Variants in ROBO2 observed in about 807,000 individuals in gnomAD.
ROBO2 encodes the protein roundabout homolog 2.
In ROBO2, 53 loss-of-function variants were observed where a neutral mutation model predicts 160.8. The ratio of observed to expected loss-of-function variants is 0.33; its 90% CI spans 0.26 to 0.41. The LOEUF (loss-of-function observed/expected upper bound fraction) is 0.41. Ranked by LOEUF, ROBO2 falls within the 10% of genes least tolerant of loss-of-function variation. The probability of loss-of-function intolerance (pLI) is 1.00; values close to 1 mark genes in which losing one functional copy is unlikely to be tolerated. For synonymous variants in ROBO2, 664 were observed against 611.7 expected (o/e 1.09, Z -1.26); for missense variants, 1,577 against 1,722.4 (o/e 0.92, Z 1.49).
intron 2 of ROBO2, among the ~76,000 whole-genome samples, chr3:76,788,587 A>T (rs1033405380): frequency 6.6e-6 from 1 of 151,558 alleles, no homozygotes; most frequent in Non-Finnish European, 1.5e-5. Flanking sequence ...TTAGACTGTG[A>T]AATTACTTTT....
chr3:77,089,292 A>G (rs1229704174), intron 1 of ROBO2, among the ~76,000 whole-genome samples: 2 of 152,070 alleles, frequency 1.3e-5, no homozygotes, highest in Admixed American at 6.6e-5. Context: ...TTAGTACTCT[A>G]TTTTTCCTCC....
At chr3:77,486,766 CT>C (rs371639947) in intron 4 of ROBO2, among the ~76,000 whole-genome samples, 203 of 151,932 alleles carry the variant, frequency 1.3e-3, no homozygotes, top group Middle Eastern at 3.4e-3. Flanking sequence ...TTTAATAACA[CT>C]TTTTTTTAAG....
intron 2 of ROBO2, among the ~76,000 whole-genome samples, chr3:76,768,571 G>A (rs944936776): frequency 8.6e-5 from 13 of 151,112 alleles, no homozygotes; most frequent in African/African-American, 2.9e-4. Flanking sequence ...ATACTGTATA[G>A]TAGATTGTAA....
intron 2 of ROBO2, among the ~76,000 whole-genome samples, chr3:76,449,662 G>A (rs2077375884): frequency 6.6e-6 from 1 of 152,108 alleles, no homozygotes; most frequent in Non-Finnish European, 1.5e-5. Flanking sequence ...CCCGAAAGCA[G>A]TGTTTAAGTG....
chr3:76,997,119 C>T (rs1361997375), intron 2 of ROBO2, among the ~76,000 whole-genome samples: 6 of 152,094 alleles, frequency 3.9e-5, no homozygotes, highest in Admixed American at 2.0e-4. Context: ...CCATATTTTA[C>T]AGAAAGTTTT....
chr3:76,949,700 T>C (rs2078844887), intron 2 of ROBO2, among the ~76,000 whole-genome samples: 1 of 152,212 alleles, frequency 6.6e-6, no homozygotes, highest in Non-Finnish European at 1.5e-5. Context: ...GTTTACCTCA[T>C]GGTATTTAAG....
chr3:76,655,258 T>A (rs1560314033), intron 2 of ROBO2, among the ~76,000 whole-genome samples: 2 of 150,380 alleles, frequency 1.3e-5, no homozygotes, highest in African/African-American at 4.9e-5. Context: ...TACCATAAAA[T>A]ATTATATAGC....
chr3:77,440,552 A>G (rs1427277187), intron 2 of ROBO2, among the ~76,000 whole-genome samples: 1 of 152,202 alleles, frequency 6.6e-6, no homozygotes, highest in Non-Finnish European at 1.5e-5. Context: ...ATGGGTCATG[A>G]CATGATAGAT....
intron 2 of ROBO2, among the ~76,000 whole-genome samples, chr3:76,869,199 G>A (rs535379585): frequency 6.6e-6 from 1 of 152,034 alleles, no homozygotes; most frequent in African/African-American, 2.4e-5. Context: ...AAACTAAGTC[G>A]TCCTAACCAT....
chr3:75,963,187 T>C, intron 2 of ROBO2, among the ~76,000 whole-genome samples: 1 of 151,348 alleles, frequency 6.6e-6, no homozygotes, highest in South Asian at 2.1e-4. Flanking sequence ...CTATTTTTAT[T>C]TATTTATTTA....
intron 1 of ROBO2, among the ~76,000 whole-genome samples, chr3:77,089,143 G>A (rs1008842251): frequency 7.9e-5 from 12 of 152,162 alleles, no homozygotes; most frequent in Non-Finnish European, 4.4e-5. Flanking sequence ...GAAATCTAGT[G>A]CTTGGGATTT....
At chr3:76,431,780 G>GT (rs768209010) in intron 2 of ROBO2, among the ~76,000 whole-genome samples, 1 of 152,084 alleles carries the variant, frequency 6.6e-6, no homozygotes, top group Non-Finnish European at 1.5e-5. Flanking sequence ...AGTTTTATTT[G>GT]TTTTCTGCTT....
intron 2 of ROBO2, among the ~76,000 whole-genome samples, chr3:76,127,805 A>G (rs1400859344): frequency 6.6e-6 from 1 of 151,958 alleles, no homozygotes; most frequent in African/African-American, 2.4e-5. Flanking sequence ...GTTTTACAAA[A>G]TATCTATGAA....
chr3:77,449,264 G>T (rs1406551101), intron 2 of ROBO2, among the ~76,000 whole-genome samples: 1 of 151,990 alleles, frequency 6.6e-6, no homozygotes, highest in African/African-American at 2.4e-5. Flanking sequence ...TAAAGCAAAT[G>T]GTCATTCGGG....
intron 2 of ROBO2, among the ~76,000 whole-genome samples, chr3:77,281,204 A>G (rs374805264): frequency 2.4e-4 from 36 of 152,338 alleles, no homozygotes; most frequent in African/African-American, 8.4e-4. Context: ...TCCTATAAAC[A>G]TGTATGGACA....
intron 2 of ROBO2, among the ~76,000 whole-genome samples, chr3:77,405,727 A>T (rs2076200997): frequency 6.6e-6 from 1 of 152,128 alleles, no homozygotes; most frequent in African/African-American, 2.4e-5. Context: ...ATAGTTTAGG[A>T]GTTGGGAGGG....
At chr3:76,665,317 C>G (rs776560806) in intron 2 of ROBO2, among the ~76,000 whole-genome samples, 1 of 151,940 alleles carries the variant, frequency 6.6e-6, no homozygotes, top group South Asian at 2.1e-4. Flanking sequence ...TATTATCATT[C>G]CATTTGAATA....
intron 2 of ROBO2, among the ~76,000 whole-genome samples, chr3:76,519,977 G>A (rs184991333): frequency 6.6e-6 from 1 of 152,152 alleles, no homozygotes; most frequent in Non-Finnish European, 1.5e-5. Context: ...GAGCACCCAA[G>A]GACTCATTCA....
At chr3:76,478,751 T>C (rs996088638) in intron 2 of ROBO2, among the ~76,000 whole-genome samples, 37 of 149,706 alleles carry the variant, frequency 2.5e-4, no homozygotes, top group Admixed American at 4.0e-4. Flanking sequence ...GCATAATTAC[T>C]GCAGCTTTGA....
Sources: allele counts gnomAD v4.1 joint callset (sites outside exome capture counted in the v4.1 genomes callset), GRCh38; gene constraint gnomAD v4.1.1; transcripts MANE v1.5; gene names NCBI Gene and HGNC (gene_info 2026-07-23, HGNC 2026-07-21).